Variants in MAST2 observed in about 807,000 individuals in gnomAD.
MAST2 encodes the protein microtubule associated serine/threonine kinase 2.
A neutral mutation model predicts 147.4 loss-of-function variants in MAST2; 70 were observed. The ratio of observed to expected loss-of-function variants is 0.47; its 90% CI spans 0.39 to 0.58. MAST2 has a LOEUF of 0.58. Ranked by LOEUF, MAST2 falls within the 20% of genes least tolerant of loss-of-function variation. The probability of loss-of-function intolerance (pLI) is 0.00; values close to 1 mark genes in which losing one functional copy is unlikely to be tolerated. For synonymous variants in MAST2, 869 were observed against 896.8 expected (o/e 0.97, Z 0.55); for missense variants, 2,080 against 2,302.3 (o/e 0.90, Z 1.98).
chr1:45,978,070 C>G (rs2149037391), intron 5 of MAST2, among the ~76,000 whole-genome samples: 1 of 151,710 alleles, frequency 6.6e-6, no homozygotes, highest in South Asian at 2.1e-4. Flanking sequence ...AAAACAAAAA[C>G]AAAAACCACA....
intron 5 of MAST2, among the ~76,000 whole-genome samples, chr1:45,982,769 C>T (rs556418620): frequency 6.6e-6 from 1 of 152,106 alleles, no homozygotes; most frequent in Non-Finnish European, 1.5e-5. Flanking sequence ...TGGTCTTGGC[C>T]CCTCCCCCTG....
At chr1:45,903,197 T>A (rs79425028) in intron 4 of MAST2, among the ~76,000 whole-genome samples, 2 of 137,600 alleles carry the variant, frequency 1.5e-5, no homozygotes, top group Non-Finnish European at 3.0e-5. Flanking sequence ...TGGCGTGATC[T>A]CGGCTTACTG....
chr1:45,911,474 A>G (rs1651642401), intron 4 of MAST2, among the ~76,000 whole-genome samples: 1 of 152,138 alleles, frequency 6.6e-6, no homozygotes, highest in South Asian at 2.1e-4. Context: ...GAAAGAATCC[A>G]TTTGCTGCTG....
At chr1:45,921,510 G>A (rs1282088776) in intron 4 of MAST2, among the ~76,000 whole-genome samples, 1 of 152,200 alleles carries the variant, frequency 6.6e-6, no homozygotes, top group African/African-American at 2.4e-5. Context: ...AAGGGTGTGT[G>A]GCAAGTGAGC....
intron 1 of MAST2, among the ~76,000 whole-genome samples, chr1:45,814,336 C>T (rs1024896978): frequency 1.9e-4 from 29 of 152,114 alleles, no homozygotes; most frequent in Middle Eastern, 3.2e-3. Context: ...TCCATTATTG[C>T]CCCTGAATAC....
intron 4 of MAST2, among the ~76,000 whole-genome samples, chr1:45,946,355 C>T (rs114637690): frequency 0.012 from 1,849 of 152,122 alleles, 29 homozygotes; most frequent in African/African-American, 0.039. Flanking sequence ...AGACAAGTTG[C>T]CTGTCATGAA....
intron 4 of MAST2, among the ~76,000 whole-genome samples, chr1:45,920,858 C>T (rs533997519): frequency 2.0e-5 from 3 of 150,266 alleles, no homozygotes; most frequent in Non-Finnish European, 4.4e-5. Context: ...ATTTTTTTTT[C>T]GATGAGGTGG....
intron 1 of MAST2, among the ~76,000 whole-genome samples, chr1:45,804,779 G>A (rs563057480): frequency 9.8e-4 from 150 of 152,354 alleles, no homozygotes; most frequent in Non-Finnish European, 1.9e-3. Context: ...TTAGTCAAGA[G>A]TAGGTGTATT....
chr1:45,824,915 G>C (rs924743864), intron 2 of MAST2, among the ~76,000 whole-genome samples: 1 of 152,146 alleles, frequency 6.6e-6, no homozygotes, highest in African/African-American at 2.4e-5. Flanking sequence ...AACTCATAGT[G>C]GCCTCTACCG....
chr1:45,962,735 G>A (rs1461090590), intron 5 of MAST2, among the ~76,000 whole-genome samples: 1 of 152,160 alleles, frequency 6.6e-6, no homozygotes, highest in African/African-American at 2.4e-5. Context: ...TGTTCACTCT[G>A]ATGGTGATTT....
At chr1:46,026,097 G>C (rs1190400700) in intron 16 of MAST2, among the ~76,000 whole-genome samples, 1 of 152,202 alleles carries the variant, frequency 6.6e-6, no homozygotes, top group African/African-American at 2.4e-5. Flanking sequence ...AGCACATCTA[G>C]TAGATGGCTA....
At chr1:45,993,724 C>CT (rs1644937857) in intron 5 of MAST2, among the ~76,000 whole-genome samples, 1 of 151,968 alleles carries the variant, frequency 6.6e-6, no homozygotes, top group African/African-American at 2.4e-5. Context: ...ACTTCTGACA[C>CT]TAACTATCCC....
chr1:45,817,809 T>C (rs991130852), intron 1 of MAST2, among the ~76,000 whole-genome samples: 2 of 152,234 alleles, frequency 1.3e-5, no homozygotes, highest in African/African-American at 4.8e-5. Context: ...AAAGTAATTG[T>C]GGTTTTGGAC....
At chr1:46,026,230 G>A (rs1161506922) in intron 16 of MAST2, among the ~76,000 whole-genome samples, 6 of 152,158 alleles carry the variant, frequency 3.9e-5, no homozygotes, top group Non-Finnish European at 7.4e-5. Context: ...TATGTATATA[G>A]GCTTCTTCTC....
intron 3 of MAST2, among the ~76,000 whole-genome samples, chr1:45,869,126 C>T (rs573798171): frequency 1.1e-4 from 16 of 152,252 alleles, no homozygotes; most frequent in Non-Finnish European, 1.6e-4. Flanking sequence ...ACATTCCCCC[C>T]ATTCCTGAGT....
At chr1:45,855,371 AGT>A (rs1157386581) in intron 3 of MAST2, among the ~76,000 whole-genome samples, 5 of 151,986 alleles carry the variant, frequency 3.3e-5, no homozygotes, top group East Asian at 1.9e-4. Context: ...CCATGAAAAT[AGT>A]GTGTCTCTGC....
intron 4 of MAST2, 95 bp from the exon 5 acceptor site, chr1:45,959,291 G>GAA: frequency 1.1e-6 from 1 of 883,540 alleles, no homozygotes. Context: ...TGCGGCCCGT[G>GAA]GAATGGTGTC....
intron 17 of MAST2, 39 bp from the exon 18 acceptor site, chr1:46,028,729 C>A (rs370216966): frequency 1.9e-6 from 3 of 1,611,488 alleles, no homozygotes; most frequent in African/African-American, 2.7e-5. Context: ...CAGTCAGCAG[C>A]CTCAGGAGGC....
intron 3 of MAST2, among the ~76,000 whole-genome samples, chr1:45,864,778 T>C (rs958579614): frequency 6.6e-6 from 1 of 152,244 alleles, no homozygotes; most frequent in African/African-American, 2.4e-5. Flanking sequence ...GATTGGAATT[T>C]TTCCCCCGGA....
Sources: gnomAD v4.1 joint callset for allele counts (sites outside exome capture counted in the v4.1 genomes callset) on GRCh38, gnomAD v4.1.1 for gene constraint, MANE v1.5 for transcripts, NCBI Gene and HGNC (gene_info 2026-07-23, HGNC 2026-07-21) for gene names.